Variants in UTP15 observed in about 807,000 individuals in gnomAD.
UTP15 encodes UTP15 small subunit processome component.
UTP15 carries 5 observed loss-of-function variants against 59.1 expected under a neutral mutation model. The ratio of observed to expected loss-of-function variants is 0.08; its 90% CI spans 0.04 to 0.18. UTP15 has a LOEUF of 0.18. UTP15 is among the 10% of genes least tolerant of loss of function. The pLI, the probability that UTP15 is intolerant of heterozygous loss-of-function variation, is 1.00. For missense variants in UTP15, 494 were observed against 616.7 expected, an observed-to-expected ratio of 0.80 and a Z score of 2.11; for synonymous variants, 211 against 212.2, an observed-to-expected ratio of 0.99 and a Z score of 0.05.
rs761749473 is a variant in UTP15, at chr5:73,578,004, G to A, written c.1043G>A (p.Arg348Gln). ...AAAGGAAAAAATTACATGAAGCAAC[G>A]GGTATTTGTGCATTTCTCATATTTG... ...FIKGKNYMKQ[R>Q]DDILINRPAK... The change falls in exon 9 of 13, where the codon CGG becomes CAG. Residue 348 changes from arginine (R) to glutamine (Q), a missense_variant and splice_region_variant. Arg to Gln is a conservative substitution (Grantham distance 43). Transcript: ENST00000296792. The A allele has an allele frequency of 4.0e-5, 64 of 1,582,764 alleles. No homozygotes were observed. The highest frequency in any genetic ancestry group is 1.7e-4 in the Middle Eastern group (1 of 6,000).
chr5:73,578,773 C>T lies in UTP15; in HGVS notation c.1067C>T (p.Pro356Leu). The change falls in exon 10 of 13, where the codon CCA becomes CTA. Residue 356 changes from proline (P) to leucine (L), a missense_variant. Coordinates refer to ENST00000296792, the MANE Select transcript of UTP15 (RefSeq NM_032175.4). ...KQRDDILINR[P>L]AKKHLELYDR... ...CAGGATGACATTTTGATTAACAGGC[C>T]AGCAAAGAAGCACCTAGAATTGTAT... 4.3e-6 allele frequency: 7 copies of T among 1,613,730 alleles called. No homozygotes were observed. The highest frequency in any genetic ancestry group is 2.2e-5 in the East Asian group (1 of 44,864).
chr5:73,577,977 T>TTAA lies in UTP15; in HGVS notation c.1017_1019dup (p.Ile339_Lys340insAsn). 6.3e-7 allele frequency: 1 copy of TTAA among 1,580,010 alleles called. No homozygotes were observed. The highest frequency in any genetic ancestry group is 8.5e-7 in the Non-Finnish European group (1 of 1,170,710). On this transcript the variant is annotated inframe_insertion, in exon 9 of 13. Coordinates refer to ENST00000296792, the MANE Select transcript of UTP15 (RefSeq NM_032175.4). ...AGAAGGCCTGCATATCGAACCTTTA[T>TTAA]TAAAGGAAAAAATTACATGAAGCAA...
At chr5:73,566,243 G>A in intron 1 of UTP15, 1 of 216,050 alleles carries the variant, frequency 4.6e-6, no homozygotes, top group South Asian at 6.2e-5. Context: ...AGCAGATCTT[G>A]TTAACTATTT....
chr5:73,568,626 T>G, intron 4 of UTP15, 22 bp downstream of exon 4: 1 of 1,583,020 alleles, frequency 6.3e-7, no homozygotes, highest in Non-Finnish European at 8.6e-7. Context: ...TTGGTTTCTG[T>G]GTGTTCTGGT....
chr5:73,580,027 A>G lies in UTP15; in HGVS notation c.1490A>G (p.Lys497Arg). 1 of 1,613,924 alleles carries G rather than the reference A, an allele frequency of 6.2e-7. No individual in the cohort carries two copies. The highest frequency in any genetic ancestry group is 8.5e-7 in the Non-Finnish European group (1 of 1,179,848). ...ATGCTTTTTGCCACCATGAGAAGGAAGGAAGGCACTTCTGTGTTGGAACAC... is the reference window on the plus strand; with the variant it reads ...ATGCTTTTTGCCACCATGAGAAGGAGGGAAGGCACTTCTGTGTTGGAACAC... ...MDMLFATMRRKEGTSVLEHTS... is the reference protein window; with the variant it reads ...MDMLFATMRRREGTSVLEHTS... The change falls in exon 13 of 13, where the codon AAG becomes AGG. Residue 497 changes from lysine (K) to arginine (R), a missense_variant. Transcript: ENST00000296792.
intron 6 of UTP15, 27 bp from the exon 7 acceptor site, chr5:73,572,462 C>A: frequency 1.2e-6 from 2 of 1,611,412 alleles, no homozygotes; most frequent in Non-Finnish European, 1.7e-6. Flanking sequence ...GGCAGAATAT[C>A]CAACTAACGA....
rs1252624943 is a variant in UTP15, at chr5:73,565,924, C to G, written c.-84+12C>G. 4.2e-5 allele frequency: 19 copies of G among 455,590 alleles called. 1 individual carries two copies. Among genetic ancestry groups the G allele is most frequent in the South Asian group, 2.2e-4 (14 of 64,498 alleles). The allele number at this position is 455,590 out of a possible 1,614,324, so 28.2% of individuals were successfully genotyped here. On this transcript the variant is annotated intron_variant, in intron 1 of 12. Coordinates refer to ENST00000296792, the MANE Select transcript of UTP15 (RefSeq NM_032175.4). ...GGGGCTCAGTGGAGGTAGGTGAAGG[C>G]GGCTCCCATTGAGGGAAGCCCACAC...
Position 73,577,848 on chromosome 5 carries a change from G to T in UTP15, c.895-8G>T. On this transcript the variant is annotated splice_region_variant and splice_polypyrimidine_tract_variant and intron_variant, in intron 8 of 12. Transcript: ENST00000296792. ...AATAGACTAACTTATTTTTCTAATT[G>T]TTATTAGCATGAAGATGAGACAATA... The T allele has an allele frequency of 1.3e-6, 2 of 1,573,338 alleles. No homozygotes were observed. Among genetic ancestry groups the T allele is most frequent in the Non-Finnish European group, 1.7e-6 (2 of 1,166,828 alleles).
At position 73,567,253 on chromosome 5, in the gene UTP15, A is replaced by T. The variant is rs1747803721; in HGVS notation, c.-83-9A>T. The T allele has an allele frequency of 1.4e-6, 1 of 736,552 alleles. No homozygotes were observed. Among genetic ancestry groups the T allele is most frequent in the South Asian group, 2.5e-5 (1 of 40,756 alleles). 45.6% of individuals were successfully genotyped at this position (736,552 alleles called of 1,614,324 possible). On this transcript the variant is annotated splice_polypyrimidine_tract_variant and intron_variant, in intron 1 of 12. Coordinates refer to ENST00000296792, the MANE Select transcript of UTP15 (RefSeq NM_032175.4). ...TTATAATATGTATATAAAATATTTT[A>T]TTTTTCAGAATTAAGGCAGAGTCAC...
At chr5:73,574,016 C>T (rs1479000673) in intron 7 of UTP15, among the ~76,000 whole-genome samples, 2 of 151,910 alleles carry the variant, frequency 1.3e-5, no homozygotes, top group Middle Eastern at 3.2e-3. Context: ...TAAACATGTG[C>T]ACTATGATAC....
At position 73,568,459 on chromosome 5, in the gene UTP15, A is replaced by G; in HGVS notation, c.223A>G (p.Thr75Ala). ...YGRYSQEPIK[T>A]FSRFKDTAYC... ...CCGATACTCCCAAGAACCTATAAAA[A>G]CCTTTTCTCGATTTAAAGACACAGC... is the stretch of plus-strand genomic sequence containing the variant. The change falls in exon 4 of 13, where the codon ACC becomes GCC. Residue 75 changes from threonine (T) to alanine (A), a missense_variant. Transcript: ENST00000296792. 1 of 1,613,378 alleles carries G rather than the reference A, an allele frequency of 6.2e-7. No homozygotes were observed. The highest frequency in any genetic ancestry group is 2.2e-5 in the East Asian group (1 of 44,876).
rs1747849890 is a variant in UTP15, at chr5:73,568,616, T to C, written c.368+12T>C. 5 of 1,596,454 alleles carry C rather than the reference T, an allele frequency of 3.1e-6. No homozygotes were observed. The highest frequency in any genetic ancestry group is 4.3e-6 in the Non-Finnish European group (5 of 1,173,682). ...GAAGGCCATACAAAGTAAGAGACAG[T>C]TGGTTTCTGTGTGTTCTGGTTTTAT... On this transcript the variant is annotated intron_variant, in intron 4 of 12. Coordinates refer to ENST00000296792, the MANE Select transcript of UTP15 (RefSeq NM_032175.4).
chr5:73,571,983 G>A (rs992351202), intron 6 of UTP15, among the ~76,000 whole-genome samples: 6 of 152,152 alleles, frequency 3.9e-5, no homozygotes, highest in African/African-American at 1.4e-4. Context: ...CTAGATCAGT[G>A]ATTTCAACTG....
chr5:73,577,806 A>G, intron 8 of UTP15, 50 bp from the exon 9 acceptor site: 2 of 1,491,722 alleles, frequency 1.3e-6, no homozygotes, highest in East Asian at 2.4e-5. Flanking sequence ...TAAAAGTACT[A>G]TAAATTACGA....
At chr5:73,570,806 A>G in intron 6 of UTP15, 95 bp downstream of exon 6, 1 of 1,519,838 alleles carries the variant, frequency 6.6e-7, no homozygotes, top group Non-Finnish European at 9.0e-7. Flanking sequence ...TGTGCATTTG[A>G]ATTGCATATC....
Position 73,571,808 on chromosome 5 carries a change from C to T in UTP15, c.674-681C>T, listed in dbSNP as rs186588931. Among the ~76,000 whole-genome samples the T allele has an allele frequency of 3.9e-5, 6 of 152,258 alleles. No homozygotes were observed. In the East Asian group the frequency reaches 1.2e-3, roughly 29 times the overall value. On this transcript the variant is annotated intron_variant, in intron 6 of 12. Transcript: ENST00000296792. ...AAAAAAAGAAAAAAGTTGATAATGT[C>T]AGATGTGTCTACTTTTCTTGCTGTT... is the stretch of plus-strand genomic sequence containing the variant.
At chr5:73,577,172 T>A in intron 8 of UTP15, 136 bp downstream of exon 8, 1 of 702,982 alleles carries the variant, frequency 1.4e-6, no homozygotes, top group Non-Finnish European at 2.4e-6. Context: ...AGACAATTGC[T>A]GGAATATGTA....
At chr5:73,568,965 G>A (rs942299115) in intron 4 of UTP15, among the ~76,000 whole-genome samples, 6 of 152,084 alleles carry the variant, frequency 3.9e-5, no homozygotes, top group African/African-American at 7.2e-5. Flanking sequence ...CTGTCTTAGA[G>A]GCTCTTATGT....
At chr5:73,574,082 G>A (rs1212607486) in intron 7 of UTP15, among the ~76,000 whole-genome samples, 3 of 151,968 alleles carry the variant, frequency 2.0e-5, no homozygotes, top group African/African-American at 4.8e-5. Flanking sequence ...CAGTGCTTTG[G>A]GAGGCTGAGG....
Sources: allele counts gnomAD v4.1 joint callset (sites outside exome capture counted in the v4.1 genomes callset), GRCh38; gene constraint gnomAD v4.1.1; transcripts MANE v1.5; gene names NCBI Gene and HGNC (gene_info 2026-07-23, HGNC 2026-07-21).